INSL6: variants seen among roughly 807,000 people sequenced by gnomAD.
INSL6 encodes insulin-like peptide INSL6.
INSL6 carries 16 observed loss-of-function variants against 9.4 expected under a neutral mutation model. The observed-to-expected ratio is 1.70, with a 90% confidence interval of 1.15 to 2.59. The LOEUF is 2.59. INSL6 is among the 30% of genes most tolerant of loss of function. The probability of loss-of-function intolerance (pLI) is 0.00; values close to 1 mark genes in which losing one functional copy is unlikely to be tolerated. For synonymous variants in INSL6, 154 were observed against 96.9 expected, an observed-to-expected ratio of 1.59 and a Z score of -3.46; for missense variants, 391 against 257.3, an observed-to-expected ratio of 1.52 and a Z score of -3.56.
At chr9:5,032,324 AG>A in the INSL6 span, among the ~76,000 whole-genome samples, 3 of 152,252 alleles carry the variant, frequency 2.0e-5, no homozygotes, top group Admixed American at 6.5e-5. Flanking sequence ...CTCTGGGGGC[AG>A]GGCATAGCCA....
chr9:5,126,516 A>G, intron 3 of INSL6: 1 of 1,112,198 alleles, frequency 9.0e-7, no homozygotes. Flanking sequence ...ACTTCAGTTC[A>G]CTTCCTGAAA....
rs373005511 is a variant in INSL6 at position 5,166,075 on chromosome 9, C to T, written c.290-1810G>A. ...GTTTGAAACTAGAACTAAGAAGTAACGAGAAAAAGATGAGTTAGTGAGAAC... is the reference window on the plus strand; with the variant it reads ...GTTTGAAACTAGAACTAAGAAGTAATGAGAAAAAGATGAGTTAGTGAGAAC... On this transcript the variant is annotated intron_variant, in intron 1 of 1. Transcript: ENST00000381641. Among the ~76,000 whole-genome samples, 60 of 152,102 alleles carry T rather than the reference C, an allele frequency of 3.9e-4. No homozygotes were observed. The South Asian group carries it at 4.4e-3, about 11-fold the overall frequency.
chr9:5,039,519 A>G, the INSL6 span, among the ~76,000 whole-genome samples: 1 of 152,122 alleles, frequency 6.6e-6, no homozygotes, highest in Non-Finnish European at 1.5e-5. Flanking sequence ...AGGTTCTGGA[A>G]CTAGTACTGC....
the INSL6 span, among the ~76,000 whole-genome samples, chr9:5,066,495 G>C: frequency 5.9e-5 from 9 of 152,136 alleles, no homozygotes; most frequent in South Asian, 1.9e-3. Context: ...GAAGTGGTTT[G>C]AACTTACTGC....
the INSL6 span, among the ~76,000 whole-genome samples, chr9:5,068,633 C>T: frequency 6.6e-6 from 1 of 152,140 alleles, no homozygotes; most frequent in Non-Finnish European, 1.5e-5. Context: ...ATGGCTGGAA[C>T]GTAGGTTGTA....
chr9:5,100,966 A>C, the INSL6 span: 1 of 152,304 alleles, frequency 6.6e-6, no homozygotes, highest in Non-Finnish European at 1.5e-5. Context: ...AGCATGATCG[A>C]CGCAGAAGAT....
At chr9:5,117,361 G>A in the INSL6 span, among the ~76,000 whole-genome samples, 1 of 152,224 alleles carries the variant, frequency 6.6e-6, no homozygotes, top group Admixed American at 6.5e-5. Flanking sequence ...ATAACATGGT[G>A]AGATTCATAT....
chr9:5,128,371 T>C (rs991374482), intron 3 of INSL6, among the ~76,000 whole-genome samples: 3 of 151,828 alleles, frequency 2.0e-5, no homozygotes, highest in Non-Finnish European at 3.0e-5. Flanking sequence ...AAAAAGATTT[T>C]AGATTTTTTT....
the INSL6 span, among the ~76,000 whole-genome samples, chr9:5,048,524 AACTT>A: frequency 6.6e-6 from 1 of 152,130 alleles, no homozygotes; most frequent in Non-Finnish European, 1.5e-5. Context: ...TAAACAGTAT[AACTT>A]ACTTGCCTGT....
the INSL6 span, chr9:5,111,037 G>T: frequency 1.1e-6 from 1 of 906,100 alleles, no homozygotes; most frequent in Non-Finnish European, 1.7e-6. Context: ...CCTGGCCGGG[G>T]CGCAATTCAG....
chr9:5,063,096 C>A, the INSL6 span, among the ~76,000 whole-genome samples: 3 of 151,922 alleles, frequency 2.0e-5, no homozygotes, highest in African/African-American at 7.3e-5. Context: ...ATGCTTGTCT[C>A]TTTATTATAA....
chr9:5,055,526 A>T, the INSL6 span: 2 of 584,008 alleles, frequency 3.4e-6, no homozygotes, highest in African/African-American at 3.7e-5. Context: ...TTGATAGAGT[A>T]AATCACGTTT....
chr9:5,086,224 C>T, the INSL6 span: 11 of 609,370 alleles, frequency 1.8e-5, no homozygotes, highest in African/African-American at 2.0e-4. Flanking sequence ...AGGCCACGGT[C>T]GGAGTCTGAA....
chr9:5,161,877 C>T (rs1323862274), downstream of INSL6, among the ~76,000 whole-genome samples: 2 of 151,622 alleles, frequency 1.3e-5, 1 homozygote, highest in East Asian at 3.9e-4. Context: ...GCCAGGAGCC[C>T]GGAGACCAGC....
intron 1 of INSL6, among the ~76,000 whole-genome samples, chr9:5,167,811 G>A (rs980893526): frequency 6.6e-6 from 1 of 152,174 alleles, no homozygotes; most frequent in Non-Finnish European, 1.5e-5. Context: ...CTCCCAACAG[G>A]AGTGTTCTGC....
chr9:5,012,298 C>G, the INSL6 span, among the ~76,000 whole-genome samples: 3 of 152,152 alleles, frequency 2.0e-5, no homozygotes, highest in African/African-American at 7.2e-5. Flanking sequence ...CCCCTTCTTT[C>G]AAGGGTCATA....
At chr9:5,169,008 C>T (rs1825122581) in intron 1 of INSL6, among the ~76,000 whole-genome samples, 1 of 151,962 alleles carries the variant, frequency 6.6e-6, no homozygotes, top group Non-Finnish European at 1.5e-5. Context: ...TCACTGCAAC[C>T]TCGGCCTCCA....
Position 5,185,503 on chromosome 9 carries a change from C to T in INSL6, c.100G>A (p.Gly34Ser), listed in dbSNP as rs1825555124. ...SDISSARKLC[G>S]RYLVKEIEKL... The stretch of plus-strand genomic sequence containing the variant: ...TCTATTTCTTTCACCAAGTACCTGC[C>T]GCACAGCTTCCTGGCACTGCTGATG... The change falls in exon 1 of 2, where the codon GGC becomes AGC. Residue 34 changes from glycine (G) to serine (S), a missense_variant. Coordinates refer to ENST00000381641, the MANE Select transcript of INSL6 (RefSeq NM_007179.3). 6.2e-7 allele frequency: 1 copy of T among 1,614,068 alleles called. No homozygotes were observed. The highest frequency in any genetic ancestry group is 1.1e-5 in the South Asian group (1 of 91,082).
At chr9:5,167,267 C>A (rs1165993385) in intron 1 of INSL6, among the ~76,000 whole-genome samples, 1 of 152,184 alleles carries the variant, frequency 6.6e-6, no homozygotes, top group African/African-American at 2.4e-5. Context: ...CAGGAGGTCC[C>A]CTCATGAGCC....
Sources: gnomAD v4.1 joint callset for allele counts (sites outside exome capture counted in the v4.1 genomes callset) on GRCh38, gnomAD v4.1.1 for gene constraint, MANE v1.5 for transcripts, NCBI Gene and HGNC (gene_info 2026-07-23, HGNC 2026-07-21) for gene names.